Variants in METTL25 observed in about 807,000 individuals in gnomAD.
The protein encoded by METTL25 is probable methyltransferase-like protein 25.
In METTL25, 64 loss-of-function variants were observed where a neutral mutation model predicts 71.6. That is an observed-to-expected ratio of 0.89 (90% CI 0.73 to 1.10). The LOEUF (loss-of-function observed/expected upper bound fraction) is 1.10. Among genes scored for constraint, METTL25 ranks in the 50% least tolerant of loss-of-function variants. The pLI, the probability that METTL25 is intolerant of heterozygous loss-of-function variation, is 0.00. For synonymous variants in METTL25, 287 were observed against 250.3 expected, an observed-to-expected ratio of 1.15 and a Z score of -1.38; for missense variants, 807 against 707.0, an observed-to-expected ratio of 1.14 and a Z score of -1.60.
intron 1 of METTL25, among the ~76,000 whole-genome samples, chr12:82,373,081 G>T (rs559600433): frequency 2.0e-5 from 3 of 152,212 alleles, no homozygotes; most frequent in South Asian, 4.2e-4. Flanking sequence ...AAGAAAAATC[G>T]GATTTAGTGT....
At chr12:82,441,487 C>CT (rs1890321552) in intron 8 of METTL25, among the ~76,000 whole-genome samples, 1 of 151,708 alleles carries the variant, frequency 6.6e-6, no homozygotes, top group Non-Finnish European at 1.5e-5. Context: ...GTACTTTTCT[C>CT]TGTTTTTCCT....
At chr12:82,432,562 G>T in intron 6 of METTL25, among the ~76,000 whole-genome samples, 1 of 151,564 alleles carries the variant, frequency 6.6e-6, no homozygotes. Context: ...CCATAAAAAA[G>T]AATTATTTCT....
intron 9 of METTL25, among the ~76,000 whole-genome samples, chr12:82,472,876 C>A (rs1326851474): frequency 1.3e-5 from 2 of 152,106 alleles, no homozygotes; most frequent in African/African-American, 4.8e-5. Context: ...TATCATGTTT[C>A]CTTGCTTTTT....
chr12:82,358,768 A>G lies in METTL25; in HGVS notation c.203A>G (p.Glu68Gly), dbSNP rs1304159952. 34 of 1,613,676 alleles carry G rather than the reference A, an allele frequency of 2.1e-5. No homozygotes were observed. The highest frequency in any genetic ancestry group is 2.7e-5 in the Non-Finnish European group (32 of 1,179,948). Reference protein sequence around the residue: ...VLAALRKSASETEALPSETRP... With the variant: ...VLAALRKSASGTEALPSETRP... ...GCTGCGCTGAGGAAGTCAGCGTCGGAGACGGAGGCCCTGCCCTCAGAGACG... is the reference window on the plus strand; with the variant it reads ...GCTGCGCTGAGGAAGTCAGCGTCGGGGACGGAGGCCCTGCCCTCAGAGACG... Residue 68 changes from glutamate (E) to glycine (G), a missense_variant, in exon 1 of 12, where the codon GAG becomes GGG. Glu to Gly is a moderately conservative substitution (Grantham distance 98, BLOSUM62 -2). Transcript: ENST00000248306.
chr12:82,475,226 AAC>A (rs1473873090), intron 9 of METTL25, among the ~76,000 whole-genome samples: 1 of 152,210 alleles, frequency 6.6e-6, no homozygotes, highest in African/African-American at 2.4e-5. Flanking sequence ...GCTGTAATTC[AAC>A]ACACGCAATT....
At chr12:82,474,468 A>G (rs894373253) in intron 9 of METTL25, 7 of 152,158 alleles carry the variant, frequency 4.6e-5, no homozygotes, top group African/African-American at 1.7e-4. Context: ...CATCTTGCTA[A>G]TGTCACTTTG....
chr12:82,363,065 C>A (rs1156377784), intron 1 of METTL25, among the ~76,000 whole-genome samples: 3 of 152,096 alleles, frequency 2.0e-5, no homozygotes, highest in African/African-American at 7.2e-5. Flanking sequence ...TGGCAAAATT[C>A]AGAGATCGGA....
intron 2 of METTL25, among the ~76,000 whole-genome samples, chr12:82,388,623 A>T (rs2136953740): frequency 6.6e-6 from 1 of 152,164 alleles, no homozygotes; most frequent in South Asian, 2.1e-4. Flanking sequence ...GTGAGTAAAG[A>T]TGTTATATCC....
chr12:82,429,408 A>G lies in METTL25; in HGVS notation c.1280-1485A>G, dbSNP rs575031397. On this transcript the variant is annotated intron_variant, in intron 5 of 11. Coordinates refer to ENST00000248306, the MANE Select transcript of METTL25 (RefSeq NM_032230.3). The stretch of plus-strand genomic sequence containing the variant: ...TTTTTTTTTGACCAAATAATACTCT[A>G]TTGTGTATATACCACATTTTCCTTA... Among the ~76,000 whole-genome samples, 3 of 147,870 alleles carry G rather than the reference A, an allele frequency of 2.0e-5. No individual in the cohort carries two copies. In the South Asian group the frequency reaches 6.4e-4, roughly 31 times the overall value.
intron 1 of METTL25, among the ~76,000 whole-genome samples, chr12:82,379,265 A>G (rs1884191762): frequency 6.6e-6 from 1 of 152,158 alleles, no homozygotes; most frequent in Admixed American, 6.5e-5. Flanking sequence ...ATCTTTGGTC[A>G]GAAAAAGAGA....
intron 4 of METTL25, 46 bp downstream of exon 4, chr12:82,399,440 T>C (rs756087182): frequency 7.2e-7 from 1 of 1,395,288 alleles, no homozygotes; most frequent in South Asian, 1.4e-5. Context: ...AAAAACATTG[T>C]ATTCAATTTT....
At chr12:82,428,459 A>G (rs967817942) in intron 5 of METTL25, among the ~76,000 whole-genome samples, 6 of 151,932 alleles carry the variant, frequency 3.9e-5, no homozygotes, top group Admixed American at 1.3e-4. Flanking sequence ...AAAATAAAAT[A>G]CTTATTGTAA....
chr12:82,361,998 A>C (rs1881996212), intron 1 of METTL25, among the ~76,000 whole-genome samples: 1 of 152,180 alleles, frequency 6.6e-6, no homozygotes, highest in African/African-American at 2.4e-5. Context: ...TTTTGTGAGG[A>C]GTTACAAGTA....
intron 1 of METTL25, 27 bp from the exon 2 acceptor site, chr12:82,386,776 A>G (rs1885066935): frequency 6.3e-7 from 1 of 1,595,778 alleles, no homozygotes; most frequent in African/African-American, 1.3e-5. Context: ...TTATTGCTGA[A>G]GACTTTTTCT....
intron 9 of METTL25, among the ~76,000 whole-genome samples, chr12:82,469,962 A>C (rs1053218681): frequency 6.6e-6 from 1 of 152,134 alleles, no homozygotes; most frequent in African/African-American, 2.4e-5. Flanking sequence ...TTTTATGCTA[A>C]AACTGACTCA....
At position 82,398,704 on chromosome 12, in the gene METTL25, A is replaced by G. The variant is rs968481776; in HGVS notation, c.532-91A>G. ...AAAATTAAAATAATATTTAAGTTAT[A>G]TAACTCATTTGTTTACTTCAAAAAA... On this transcript the variant is annotated intron_variant, in intron 3 of 11. Transcript: ENST00000248306. 6.5e-6 allele frequency: 5 copies of G among 764,606 alleles called. No homozygotes were observed. The African/African-American group carries it at 7.3e-5, about 11-fold the overall frequency. 47.4% of individuals were successfully genotyped at this position (764,606 alleles called of 1,614,324 possible).
At chr12:82,390,003 CAGCT>C (rs1375516075) in intron 3 of METTL25, 81 bp downstream of exon 3, 17 of 754,476 alleles carry the variant, frequency 2.3e-5, no homozygotes, top group Non-Finnish European at 3.5e-5. Flanking sequence ...TTTTTACTGT[CAGCT>C]AGCCTTTAAA....
chr12:82,401,306 GAAAC>G (rs1162911242), intron 4 of METTL25, among the ~76,000 whole-genome samples: 1 of 151,942 alleles, frequency 6.6e-6, no homozygotes, highest in Non-Finnish European at 1.5e-5. Context: ...ATGTGTTTGA[GAAAC>G]AAGTTAATAC....
intron 8 of METTL25, chr12:82,451,272 A>G: frequency 2.0e-6 from 2 of 977,686 alleles, no homozygotes; most frequent in Non-Finnish European, 2.4e-6. Flanking sequence ...TTTATATTTT[A>G]AAGACTCCTA....
Sources: gnomAD v4.1 joint callset for allele counts (sites outside exome capture counted in the v4.1 genomes callset) on GRCh38, gnomAD v4.1.1 for gene constraint, MANE v1.5 for transcripts, NCBI Gene and HGNC (gene_info 2026-07-23, HGNC 2026-07-21) for gene names.